DPP10: variants seen among roughly 807,000 people sequenced by gnomAD.
DPP10 encodes the protein inactive dipeptidyl peptidase 10.
In DPP10, 33 loss-of-function variants were observed where a neutral mutation model predicts 120.9. The observed-to-expected ratio is 0.27, with a 90% CI of 0.21 to 0.37. The LOEUF (loss-of-function observed/expected upper bound fraction) is 0.37. DPP10 is among the 10% of genes least tolerant of loss of function. DPP10 has a pLI of 1.00. For synonymous variants in DPP10, 337 were observed against 326.1 expected, an observed-to-expected ratio of 1.03 and a Z score of -0.36; for missense variants, 816 against 942.8, an observed-to-expected ratio of 0.87 and a Z score of 1.76.
intron 3 of DPP10, among the ~76,000 whole-genome samples, chr2:115,391,439 G>A (rs1274555518): frequency 2.6e-5 from 4 of 152,124 alleles, no homozygotes; most frequent in African/African-American, 7.2e-5. Flanking sequence ...AATACCAGAT[G>A]TAGAAGGAAA....
intron 1 of DPP10, among the ~76,000 whole-genome samples, chr2:114,569,583 C>T (rs977359020): frequency 6.6e-6 from 1 of 152,170 alleles, no homozygotes; most frequent in African/African-American, 2.4e-5. Flanking sequence ...AACAATGAGG[C>T]CCATCAGGTT....
At chr2:115,414,456 A>G (rs183835196) in intron 3 of DPP10, among the ~76,000 whole-genome samples, 17 of 152,312 alleles carry the variant, frequency 1.1e-4, no homozygotes, top group Admixed American at 1.3e-4. Context: ...ATCAATTAAT[A>G]CTATTTAAAT....
At chr2:115,443,944 A>C (rs754986927) in intron 3 of DPP10, among the ~76,000 whole-genome samples, 2 of 152,182 alleles carry the variant, frequency 1.3e-5, no homozygotes, top group South Asian at 2.1e-4. Flanking sequence ...AGCATCCCCC[A>C]GTAGTGACAG....
At chr2:115,261,310 G>A (rs2059241684) in intron 1 of DPP10, among the ~76,000 whole-genome samples, 4 of 152,166 alleles carry the variant, frequency 2.6e-5, no homozygotes, top group African/African-American at 7.2e-5. Flanking sequence ...AAAGGGCACT[G>A]AGCAATACAA....
rs571513344 is a variant in DPP10 at position 115,451,150 on chromosome 2, T to A, written c.272-48360T>A. ...TAGCATCTACTTACAGGCATTATTATTATTGCTTAAAAAATCTTGCCATCT... is the reference window on the plus strand; with the variant it reads ...TAGCATCTACTTACAGGCATTATTAATATTGCTTAAAAAATCTTGCCATCT... On this transcript the variant is annotated intron_variant, in intron 3 of 25. Transcript: ENST00000410059. Among the ~76,000 whole-genome samples, 17 of 152,012 alleles carry A rather than the reference T, an allele frequency of 1.1e-4. No individual in the cohort carries two copies. In the East Asian group the frequency reaches 3.3e-3, roughly 29 times the overall value.
At chr2:115,183,807 G>T (rs2054243663) in intron 1 of DPP10, among the ~76,000 whole-genome samples, 1 of 152,132 alleles carries the variant, frequency 6.6e-6, no homozygotes, top group Non-Finnish European at 1.5e-5. Context: ...AAGGAAAAGA[G>T]CTCTAAAAGC....
chr2:115,431,441 A>C (rs1206413696), intron 3 of DPP10, among the ~76,000 whole-genome samples: 1 of 152,174 alleles, frequency 6.6e-6, no homozygotes, highest in Non-Finnish European at 1.5e-5. Context: ...GTCAGGATGC[A>C]GATGAGGGAA....
At chr2:114,932,548 A>G (rs1253984576) in intron 1 of DPP10, among the ~76,000 whole-genome samples, 1 of 152,204 alleles carries the variant, frequency 6.6e-6, no homozygotes, top group Admixed American at 6.5e-5. Context: ...ACACGACACA[A>G]AAGAATATGT....
rs761052883 is a variant in DPP10, at chr2:114,638,303, G to C, written c.60+195465G>C. ...TTGAACATTATTCGTCTAAAGAAAT[G>C]CTACTGATTTCTGCACAACAAAAGA... On this transcript the variant is annotated intron_variant, in intron 1 of 25. Transcript: ENST00000410059. Among the ~76,000 whole-genome samples, 7 of 151,670 alleles carry C rather than the reference G, an allele frequency of 4.6e-5. 1 individual carries two copies. The highest frequency in any genetic ancestry group is 6.6e-5 in the Admixed American group (1 of 15,224).
intron 5 of DPP10, among the ~76,000 whole-genome samples, chr2:115,632,915 A>C (rs1170363571): frequency 6.6e-6 from 1 of 152,210 alleles, no homozygotes; most frequent in Non-Finnish European, 1.5e-5. Context: ...GGCAGTCATT[A>C]AAAAGTCAGG....
At chr2:114,929,688 TACAA>T (rs1695922210) in intron 1 of DPP10, among the ~76,000 whole-genome samples, 1 of 152,224 alleles carries the variant, frequency 6.6e-6, no homozygotes, top group Admixed American at 6.5e-5. Context: ...ACACATGTTT[TACAA>T]ACAATTTGTG....
rs891430605 is a variant in DPP10, at chr2:115,355,370, T to G, written c.271+11458T>G. On this transcript the variant is annotated intron_variant, in intron 3 of 25. Transcript: ENST00000410059. ...CGTGTACATGTCTTCTTTCGAGAAG[T>G]GTCTGTTCTTAGCCTTTGCCCATTT... is the stretch of plus-strand genomic sequence containing the variant. 1.3e-5 allele frequency among the ~76,000 whole-genome samples: 2 copies of G among 152,346 alleles called. 1 individual carries two copies. Among genetic ancestry groups the G allele is most frequent in the Admixed American group, 1.3e-4 (2 of 15,298 alleles).
At chr2:114,998,361 A>G (rs1188703250) in intron 1 of DPP10, among the ~76,000 whole-genome samples, 1 of 152,228 alleles carries the variant, frequency 6.6e-6, no homozygotes, top group African/African-American at 2.4e-5. Flanking sequence ...ATATTGCTTC[A>G]AACTCTTAGA....
chr2:115,023,115 A>G (rs961400882), intron 1 of DPP10, among the ~76,000 whole-genome samples: 12 of 152,234 alleles, frequency 7.9e-5, no homozygotes, highest in African/African-American at 2.7e-4. Flanking sequence ...CCGGGAACTC[A>G]AAAGCAAATA....
chr2:114,592,296 C>A (rs1691527253), intron 1 of DPP10, among the ~76,000 whole-genome samples: 1 of 152,142 alleles, frequency 6.6e-6, no homozygotes, highest in Non-Finnish European at 1.5e-5. Flanking sequence ...ACCCCAGACA[C>A]CTGCTACTTC....
intron 13 of DPP10, among the ~76,000 whole-genome samples, chr2:115,775,584 T>G (rs1382986469): frequency 6.6e-6 from 1 of 152,078 alleles, no homozygotes; most frequent in Non-Finnish European, 1.5e-5. Context: ...AAGGTTGTTT[T>G]TAAAAGTGAA....
intron 1 of DPP10, among the ~76,000 whole-genome samples, chr2:114,834,472 A>G (rs147782420): frequency 0.1 from 14,571 of 144,846 alleles, 837 homozygotes; most frequent in African/African-American, 0.12. Context: ...CCATATCTAC[A>G]CACCTATGTA....
chr2:115,712,072 A>G (rs1198123820), intron 7 of DPP10, among the ~76,000 whole-genome samples: 1 of 151,586 alleles, frequency 6.6e-6, no homozygotes, highest in Non-Finnish European at 1.5e-5. Context: ...AGAGCATTAC[A>G]TTTATTGTGC....
intron 1 of DPP10, among the ~76,000 whole-genome samples, chr2:115,240,925 A>G (rs1302556048): frequency 6.6e-6 from 1 of 152,206 alleles, no homozygotes; most frequent in East Asian, 1.9e-4. Flanking sequence ...TAAAGTTGTA[A>G]TGTGACATAG....
Sources: gnomAD v4.1 joint callset for allele counts (sites outside exome capture counted in the v4.1 genomes callset) on GRCh38, gnomAD v4.1.1 for gene constraint, MANE v1.5 for transcripts, NCBI Gene and HGNC (gene_info 2026-07-23, HGNC 2026-07-21) for gene names.